The following TEX11 variants were observed in gnomAD, a reference collection of about 807,000 sequenced individuals.
The protein encoded by TEX11 is testis-expressed protein 11.
TEX11 carries 7 observed loss-of-function variants against 84.4 expected under a neutral mutation model. That is an observed-to-expected ratio of 0.08 (90% CI 0.05 to 0.16). The LOEUF is 0.16. Among genes scored for constraint, TEX11 ranks in the 10% least tolerant of loss-of-function variants. The pLI, the probability that TEX11 is intolerant of heterozygous loss-of-function variation, is 1.00. For missense variants in TEX11, 551 were observed against 660.5 expected, an observed-to-expected ratio of 0.83 and a Z score of 1.82; for synonymous variants, 264 against 222.8, an observed-to-expected ratio of 1.18 and a Z score of -1.64.
intron 4 of TEX11, among the ~76,000 whole-genome samples, chrX:70,871,930 C>G (rs953392944): frequency 5.8e-5 from 6 of 104,135 alleles, no homozygotes; most frequent in African/African-American, 2.1e-4. Context: ...GCTCTCTCAT[C>G]TCCCTGGCCC....
In TEX11 at chrX:70,647,196, A is replaced by G. The variant is rs1248355608; in HGVS notation, c.1483+4254T>C. ...CTAAAGAAGTTGACCTCATAGAAGC[A>G]GAATAGAATGTTCATAGAAGCAAAG... On this transcript the variant is annotated intron_variant, in intron 17 of 29. Transcript: ENST00000374333. Among the ~76,000 whole-genome samples, 4 of 111,911 alleles carry G rather than the reference A, an allele frequency of 3.6e-5. No homozygotes were observed. In the East Asian group the frequency reaches 1.1e-3, roughly 31 times the overall value.
At chrX:70,748,919 C>T (rs2090790057) in intron 9 of TEX11, among the ~76,000 whole-genome samples, 1 of 104,565 alleles carries the variant, frequency 9.6e-6, no homozygotes, top group South Asian at 4.6e-4. Flanking sequence ...TTTTTGGTTC[C>T]ATATGAACTT....
chrX:70,881,625 A>C (rs180870896), intron 2 of TEX11, among the ~76,000 whole-genome samples: 6 of 111,454 alleles, frequency 5.4e-5, no homozygotes, highest in Admixed American at 9.6e-5. Context: ...CAAATGCTTG[A>C]GGTGATGGAT....
Position 70,810,419 on chromosome X carries a change from T to A in TEX11, c.607-3629A>T, listed in dbSNP as rs182194576. On this transcript the variant is annotated intron_variant, in intron 8 of 29. Transcript: ENST00000374333. ...AAATGCCCATCAATGATAGACTGGA[T>A]AAAGAAAATGTGGCACATATACACC... 2.6e-4 allele frequency among the ~76,000 whole-genome samples: 29 copies of A among 111,816 alleles called. No individual in the cohort carries two copies. The East Asian group carries it at 8.1e-3, about 31-fold the overall frequency.
chrX:70,727,594 G>A (rs985446260), intron 11 of TEX11, among the ~76,000 whole-genome samples: 2 of 111,516 alleles, frequency 1.8e-5, no homozygotes, highest in African/African-American at 3.3e-5. Flanking sequence ...GCTATGGACC[G>A]AATGTTTGTG....
intron 25 of TEX11, among the ~76,000 whole-genome samples, chrX:70,571,657 T>A (rs1216815803): frequency 8.9e-6 from 1 of 112,253 alleles, no homozygotes; most frequent in Non-Finnish European, 1.9e-5. Flanking sequence ...TAATCATCTT[T>A]CTGTTGTTGC....
intron 24 of TEX11, among the ~76,000 whole-genome samples, chrX:70,599,043 A>C (rs2089050283): frequency 8.9e-6 from 1 of 111,927 alleles, no homozygotes; most frequent in South Asian, 3.7e-4. Flanking sequence ...GTGAATTATA[A>C]GGTATGTGAA....
intron 25 of TEX11, among the ~76,000 whole-genome samples, chrX:70,578,510 C>T (rs2147474899): frequency 8.9e-6 from 1 of 111,777 alleles, no homozygotes; most frequent in East Asian, 2.8e-4. Flanking sequence ...TCTGTGTTTA[C>T]TCTTAACTTA....
rs746857143 is a variant in TEX11, at chrX:70,636,503, G to T, written c.1484-6768C>A. 1.4e-4 allele frequency among the ~76,000 whole-genome samples: 16 copies of T among 111,819 alleles called. No individual in the cohort carries two copies. The East Asian group carries it at 4.2e-3, about 30-fold the overall frequency. ...CCAGCACCCACTGACCTAGGACTGA[G>T]GCCTGCCCTAGTCCTCAGGCTTGAG... On this transcript the variant is annotated intron_variant, in intron 17 of 29. Transcript: ENST00000374333.
intron 9 of TEX11, among the ~76,000 whole-genome samples, chrX:70,765,195 G>A (rs2090932265): frequency 9.0e-6 from 1 of 111,518 alleles, no homozygotes. Flanking sequence ...AGACTAGCCT[G>A]GCCAACATGG....
intron 8 of TEX11, among the ~76,000 whole-genome samples, chrX:70,807,853 G>A (rs754495175): frequency 4.5e-5 from 5 of 110,213 alleles, no homozygotes; most frequent in African/African-American, 1.6e-4. Context: ...CCTGTAATCC[G>A]AGCGCTTTGA....
At chrX:70,805,477 T>C (rs1322342302) in intron 9 of TEX11, among the ~76,000 whole-genome samples, 1 of 108,888 alleles carries the variant, frequency 9.2e-6, no homozygotes, top group Non-Finnish European at 1.9e-5. Context: ...ATCGGCTCAC[T>C]GCAAGCTGCA....
intron 24 of TEX11, among the ~76,000 whole-genome samples, chrX:70,592,400 G>A (rs2088944279): frequency 9.0e-6 from 1 of 111,300 alleles, no homozygotes; most frequent in African/African-American, 3.3e-5. Flanking sequence ...ATTCTCTGAA[G>A]GGCCAGAATG....
chrX:70,734,509 T>C lies in TEX11; in HGVS notation c.843+6192A>G, dbSNP rs138652053. Reference sequence around the variant, plus strand: ...TAAGGTAACAAATGAGCAAACTGTGTTTAACAGACACTCTAGGTAATACTT... The same window carrying C: ...TAAGGTAACAAATGAGCAAACTGTGCTTAACAGACACTCTAGGTAATACTT... On this transcript the variant is annotated intron_variant, in intron 11 of 29. Transcript: ENST00000374333. Among the ~76,000 whole-genome samples, 81 of 111,735 alleles carry C rather than the reference T, an allele frequency of 7.2e-4. 1 individual carries two copies. The East Asian group carries it at 0.017, about 23-fold the overall frequency.
intron 28 of TEX11, among the ~76,000 whole-genome samples, 191 bp from the exon 29 acceptor site, chrX:70,530,190 AG>A (rs893643435): frequency 2.7e-5 from 3 of 111,554 alleles, no homozygotes; most frequent in African/African-American, 9.8e-5. Flanking sequence ...AATGTTCCAT[AG>A]CAAGATCTCA....
intron 16 of TEX11, among the ~76,000 whole-genome samples, chrX:70,657,210 A>C (rs1346030758): frequency 4.5e-5 from 5 of 111,311 alleles, no homozygotes; most frequent in Admixed American, 9.6e-5. Flanking sequence ...CATTGCTATC[A>C]TATTGGACAG....
At chrX:70,642,423 A>T (rs2089674100) in intron 17 of TEX11, among the ~76,000 whole-genome samples, 1 of 110,886 alleles carries the variant, frequency 9.0e-6, no homozygotes, top group African/African-American at 3.3e-5. Context: ...ATTTTATGAG[A>T]TCAGCATCAT....
At chrX:70,700,609 T>A (rs186985840) in intron 13 of TEX11, among the ~76,000 whole-genome samples, 22 of 110,949 alleles carry the variant, frequency 2.0e-4, no homozygotes, top group African/African-American at 7.2e-4. Flanking sequence ...ACTAGGCCAA[T>A]TAATAACCCT....
chrX:70,756,318 G>T (rs942050191), intron 9 of TEX11, among the ~76,000 whole-genome samples: 1 of 112,131 alleles, frequency 8.9e-6, no homozygotes, highest in Non-Finnish European at 1.9e-5. Context: ...TCCTCAAGTG[G>T]GTCCCAGATC....
Sources: allele counts gnomAD v4.1 joint callset (sites outside exome capture counted in the v4.1 genomes callset), GRCh38; gene constraint gnomAD v4.1.1; transcripts MANE v1.5; gene names NCBI Gene and HGNC (gene_info 2026-07-23, HGNC 2026-07-21).